Variants in NPNT observed in about 807,000 individuals in gnomAD.
The protein encoded by NPNT is preosteoblast EGF-like repeat protein with MAM domain.
A neutral mutation model predicts 68.6 loss-of-function variants in NPNT; 45 were observed. The observed-to-expected ratio is 0.66, with a 90% CI of 0.52 to 0.84. The LOEUF is 0.84. Ranked by LOEUF, NPNT falls within the 40% of genes least tolerant of loss-of-function variation. The pLI is 0.00. For synonymous variants in NPNT, 233 were observed against 253.3 expected (o/e 0.92, Z 0.76); for missense variants, 672 against 714.8 (o/e 0.94, Z 0.68).
intron 2 of NPNT, among the ~76,000 whole-genome samples, chr4:105,899,533 A>G (rs1726227615): frequency 6.6e-6 from 1 of 152,192 alleles, no homozygotes; most frequent in Non-Finnish European, 1.5e-5. Context: ...TGGAAACTGG[A>G]GTTACCACCA....
intron 10 of NPNT, 37 bp from the exon 11 acceptor site, chr4:105,967,151 T>C (rs759905424): frequency 6.2e-7 from 1 of 1,603,956 alleles, no homozygotes; most frequent in Non-Finnish European, 8.5e-7. Context: ...GAAAGGGATA[T>C]TGGCACATAC....
intron 2 of NPNT, chr4:105,912,264 A>G (rs1462780668): frequency 6.7e-7 from 1 of 1,494,778 alleles, no homozygotes; most frequent in Non-Finnish European, 9.0e-7. Context: ...TTCTTGAAAT[A>G]ATTTTGGCTA....
At position 105,897,884 on chromosome 4, in the gene NPNT, A is replaced by AT. The variant is rs1560880703; in HGVS notation, c.72-16dup. ...TCAAAAGTGTCCTTATTTATTTTGA[A>AT]TCTTTTTTTTTGGTAGGTGGCCCAG... On this transcript the variant is annotated splice_polypyrimidine_tract_variant and intron_variant, in intron 1 of 11. Coordinates refer to ENST00000379987, the MANE Select transcript of NPNT (RefSeq NM_001033047.3). The AT allele has an allele frequency of 6.3e-7, 1 of 1,585,982 alleles. No homozygotes were observed. The highest frequency in any genetic ancestry group is 1.1e-5 in the South Asian group (1 of 90,428).
At chr4:105,904,800 C>G (rs959112941) in intron 2 of NPNT, among the ~76,000 whole-genome samples, 4 of 152,048 alleles carry the variant, frequency 2.6e-5, no homozygotes, top group Non-Finnish European at 5.9e-5. Context: ...CTGCCTCACT[C>G]TCTCTCGAGT....
At position 105,909,203 on chromosome 4, in the gene NPNT, A is replaced by G. The variant is rs193294468; in HGVS notation, c.172+11202A>G. 2.0e-3 allele frequency among the ~76,000 whole-genome samples: 308 copies of G among 152,294 alleles called. 1 individual carries two copies. The highest frequency in any genetic ancestry group is 2.8e-3 in the Non-Finnish European group (188 of 68,018). The stretch of plus-strand genomic sequence containing the variant: ...AGTTGATTTTATATTGCATATACTA[A>G]CTGTGGTAATAGTTTCTACTGGATA... On this transcript the variant is annotated intron_variant, in intron 2 of 11. Transcript: ENST00000379987.
At chr4:105,932,561 A>G in intron 3 of NPNT, 1 of 1,264,582 alleles carries the variant, frequency 7.9e-7, no homozygotes, top group Non-Finnish European at 1.1e-6. Context: ...TTTTAGGGCT[A>G]AAATTGACAT....
intron 2 of NPNT, among the ~76,000 whole-genome samples, chr4:105,920,394 C>CAAAAAAAAAAAAAAA (rs1240850626): frequency 2.8e-5 from 1 of 35,768 alleles, no homozygotes; most frequent in African/African-American, 1.7e-4. Context: ...TGTTACTCTA[C>CAAAAAAAAAAAAAAA]TAAAAAAAAA....
chr4:105,967,219 A>T lies in NPNT; in HGVS notation c.1377A>T (p.Lys459Asn). ...AATATCTGACAGTGTCGGCAGCCAA[A>T]GCCCCAGGGGGAAAAGCTGCACGCT... is the stretch of plus-strand genomic sequence containing the variant. ...GGQYLTVSAAKAPGGKAARLV... is the reference protein window; with the variant it reads ...GGQYLTVSAANAPGGKAARLV... Residue 459 changes from lysine (K) to asparagine (N), a missense_variant, in exon 11 of 12, where the codon AAA becomes AAT. Physicochemically the swap from Lys to Asn is moderately conservative, Grantham distance 94. Coordinates refer to ENST00000379987, the MANE Select transcript of NPNT (RefSeq NM_001033047.3). 1 of 1,613,904 alleles carries T rather than the reference A, an allele frequency of 6.2e-7. No individual in the cohort carries two copies. Among genetic ancestry groups the T allele is most frequent in the Non-Finnish European group, 8.5e-7 (1 of 1,180,010 alleles).
intron 7 of NPNT, among the ~76,000 whole-genome samples, chr4:105,941,731 T>G (rs973382297): frequency 2.0e-5 from 3 of 152,190 alleles, no homozygotes; most frequent in African/African-American, 7.2e-5. Context: ...AGCAGTTGTA[T>G]CTATCAGTAA....
At chr4:105,900,118 G>A (rs1726276849) in intron 2 of NPNT, among the ~76,000 whole-genome samples, 1 of 152,178 alleles carries the variant, frequency 6.6e-6, no homozygotes, top group African/African-American at 2.4e-5. Context: ...AATTTAATGT[G>A]AGAAATGTTT....
At chr4:105,958,644 C>T (rs938869837) in intron 9 of NPNT, 87 bp downstream of exon 9, 17 of 724,340 alleles carry the variant, frequency 2.3e-5, no homozygotes, top group Non-Finnish European at 3.5e-5. Context: ...TCGTTTGGAC[C>T]ATTTGGGAAA....
rs1467938999 is a variant in NPNT, at chr4:105,942,470, G to T, written c.927G>T (p.Arg309Ser). The T allele has an allele frequency of 1.2e-6, 2 of 1,612,808 alleles. No individual in the cohort carries two copies. The highest frequency in any genetic ancestry group is 1.1e-5 in the South Asian group (1 of 91,000). Residue 309 changes from arginine to serine, a missense_variant, in exon 8 of 12, where the codon AGG becomes AGT. Coordinates refer to ENST00000379987, the MANE Select transcript of NPNT (RefSeq NM_001033047.3). ...ATATTCCTCCTATCATTACCAACAG[G>T]CCTACTTCTAAGCCAACAACAAGAC... ...TPYIPPIITN[R>S]PTSKPTTRPT...
At chr4:105,939,559 T>C (rs777115798) in intron 5 of NPNT, among the ~76,000 whole-genome samples, 2 of 152,196 alleles carry the variant, frequency 1.3e-5, no homozygotes, top group African/African-American at 2.4e-5. Flanking sequence ...TTTGATTGTA[T>C]GTTTTAATGG....
chr4:105,963,684 C>A (rs1731908967), intron 10 of NPNT, among the ~76,000 whole-genome samples: 1 of 151,058 alleles, frequency 6.6e-6, no homozygotes, highest in Non-Finnish European at 1.5e-5. Flanking sequence ...CTCTGGAGAA[C>A]AAGGATTAAG....
intron 1 of NPNT, among the ~76,000 whole-genome samples, chr4:105,896,993 C>T (rs554678251): frequency 1.3e-5 from 2 of 152,328 alleles, no homozygotes; most frequent in South Asian, 4.1e-4. Flanking sequence ...TTCTTGCACA[C>T]ATATTTGCAA....
intron 8 of NPNT, among the ~76,000 whole-genome samples, chr4:105,950,051 C>A (rs921847658): frequency 6.6e-6 from 1 of 152,184 alleles, no homozygotes; most frequent in Admixed American, 6.5e-5. Context: ...AACAGAACCC[C>A]ACTCTTCTCA....
In NPNT at chr4:105,938,402, G is replaced by A. The variant is rs1560919831; in HGVS notation, c.487G>A (p.Asp163Asn). The A allele has an allele frequency of 6.2e-7, 1 of 1,613,654 alleles. No homozygotes were observed. Among genetic ancestry groups the A allele is most frequent in the Non-Finnish European group, 8.5e-7 (1 of 1,179,730 alleles). Residue 163 changes from aspartate (D) to asparagine (N), a missense_variant, in exon 5 of 12, where the codon GAT (aspartate) becomes AAT (asparagine). By Grantham distance (23) the Asp-to-Asn change is conservative. Coordinates refer to ENST00000379987, the MANE Select transcript of NPNT (RefSeq NM_001033047.3). ...CPSPGLQLAP[D>N]GRTCVDVDEC... ...ATCCCCTGGCCTGCAGCTGGCTCCTGATGGGAGGACCTGTGTAGGTGAGTT... is the reference window on the plus strand; with the variant it reads ...ATCCCCTGGCCTGCAGCTGGCTCCTAATGGGAGGACCTGTGTAGGTGAGTT...
intron 2 of NPNT, among the ~76,000 whole-genome samples, chr4:105,908,022 A>G (rs1459159251): frequency 6.6e-6 from 1 of 152,144 alleles, no homozygotes; most frequent in African/African-American, 2.4e-5. Context: ...TTCAGTTTAA[A>G]CAGCCTGCTG....
In NPNT at chr4:105,971,589, T is replaced by A. The variant is rs948366157; in HGVS notation, c.*2599T>A. Reference sequence around the variant, plus strand: ...ATAACATCTTGTTTATTATTTAATGTTTTCTAAAATAAAAAATGTTAGTGG... The same window carrying A: ...ATAACATCTTGTTTATTATTTAATGATTTCTAAAATAAAAAATGTTAGTGG... On this transcript the variant is annotated 3_prime_UTR_variant, in exon 12 of 12. Transcript: ENST00000379987. 1 of 152,924 alleles carries A rather than the reference T, an allele frequency of 6.5e-6. No homozygotes were observed. The highest frequency in any genetic ancestry group is 2.4e-5 in the African/African-American group (1 of 41,472). The allele number at this position is 152,924 out of a possible 1,614,324, so 9.5% of individuals were successfully genotyped here.
Sources: allele counts gnomAD v4.1 joint callset (sites outside exome capture counted in the v4.1 genomes callset), GRCh38; gene constraint gnomAD v4.1.1; transcripts MANE v1.5; gene names NCBI Gene and HGNC (gene_info 2026-07-23, HGNC 2026-07-21).